IGSF11: variants seen among roughly 807,000 people sequenced by gnomAD.
IGSF11 encodes the protein immunoglobulin superfamily member 11.
IGSF11 carries 22 observed loss-of-function variants against 41.0 expected under a neutral mutation model. The ratio of observed to expected loss-of-function variants is 0.54; its 90% confidence interval spans 0.38 to 0.77. The LOEUF is 0.77. IGSF11 is among the 30% of genes least tolerant of loss of function. The pLI, the probability that IGSF11 is intolerant of heterozygous loss-of-function variation, is 0.00. For missense variants in IGSF11, 444 were observed against 530.8 expected (o/e 0.84, Z 1.61); for synonymous variants, 219 against 201.3 (o/e 1.09, Z -0.74).
intron 1 of IGSF11, among the ~76,000 whole-genome samples, chr3:118,970,448 T>C (rs184561189): frequency 2.6e-3 from 400 of 152,254 alleles, no homozygotes; most frequent in Non-Finnish European, 4.4e-3. Flanking sequence ...ATGGAAAAAC[T>C]GGCATGAATG....
intron 4 of IGSF11, among the ~76,000 whole-genome samples, chr3:118,909,129 A>G (rs1397092762): frequency 6.6e-6 from 1 of 152,216 alleles, no homozygotes; most frequent in Non-Finnish European, 1.5e-5. Flanking sequence ...AAAAATGTCT[A>G]GTGTCTCCCA....
intron 2 of IGSF11, 27 bp from the exon 3 acceptor site, chr3:118,928,743 C>A: frequency 6.5e-7 from 1 of 1,542,924 alleles, no homozygotes; most frequent in Non-Finnish European, 8.9e-7. Flanking sequence ...AATAAATAAA[C>A]TGGCCACTCT....
At position 119,142,249 on chromosome 3, in the gene IGSF11, T is replaced by C. The variant is rs187776492; in HGVS notation, c.-14+3564A>G. 5.2e-3 allele frequency among the ~76,000 whole-genome samples: 636 copies of C among 122,834 alleles called. 11 individuals carry two copies. Among genetic ancestry groups the C allele is most frequent in the African/African-American group, 0.019 (606 of 31,104 alleles). The allele number at this position is 122,834 out of a possible 152,430, so 80.6% of individuals were successfully genotyped here. ...GAGATCGCGCCACTGCATTCCAGCCTGGGCGACAGAGCAAGACTCCATCTC... is the reference window on the plus strand; with the variant it reads ...GAGATCGCGCCACTGCATTCCAGCCCGGGCGACAGAGCAAGACTCCATCTC... On this transcript the variant is annotated intron_variant, in intron 1 of 7. Coordinates refer to the IGSF11 transcript ENST00000425327.
At chr3:118,928,818 G>T in intron 2 of IGSF11, 102 bp from the exon 3 acceptor site, 3 of 784,242 alleles carry the variant, frequency 3.8e-6, no homozygotes, top group Non-Finnish European at 6.0e-6. Flanking sequence ...ACCAAACATT[G>T]GAAAATTTTA....
rs1423334257 is a variant in IGSF11 at position 119,052,454 on chromosome 3, AGAGG to A, written c.49+52686_49+52689del. On this transcript the variant is annotated intron_variant, in intron 1 of 6. Transcript: ENST00000354673. The stretch of plus-strand genomic sequence containing the variant: ...AACAGGAAGGGAGGGAGGGAGGAAG[AGAGG>A]GAGGGAGGGAGGGAAGGAGGAAGAG... Among the ~76,000 whole-genome samples, 4 of 115,326 alleles carry A rather than the reference AGAGG, an allele frequency of 3.5e-5. No individual in the cohort carries two copies. The East Asian group carries it at 1.2e-3, about 34-fold the overall frequency. The allele number at this position is 115,326 out of a possible 152,430, so 75.7% of individuals were successfully genotyped here.
intron 1 of IGSF11, among the ~76,000 whole-genome samples, chr3:119,118,806 G>A (rs1026522574): frequency 5.3e-5 from 8 of 152,152 alleles, no homozygotes; most frequent in African/African-American, 1.4e-4. Flanking sequence ...TTGCTGCTTA[G>A]AAACTTCTTC....
At chr3:118,905,481 C>T in intron 5 of IGSF11, 115 bp downstream of exon 5, 1 of 1,080,788 alleles carries the variant, frequency 9.3e-7, no homozygotes, top group Non-Finnish European at 1.3e-6. Flanking sequence ...AAAACAATTT[C>T]TATTTAATCT....
intron 1 of IGSF11, among the ~76,000 whole-genome samples, chr3:119,057,323 C>A (rs886769266): frequency 6.6e-5 from 10 of 152,052 alleles, no homozygotes; most frequent in African/African-American, 1.7e-4. Context: ...TCTTATACAC[C>A]AATAACAGAC....
chr3:119,056,507 G>A (rs1022170720), intron 1 of IGSF11, among the ~76,000 whole-genome samples: 7 of 152,140 alleles, frequency 4.6e-5, no homozygotes, highest in Non-Finnish European at 8.8e-5. Flanking sequence ...AAAAGTCCAG[G>A]ACCAGATGGA....
At chr3:118,932,974 C>T (rs914560767) in intron 1 of IGSF11, among the ~76,000 whole-genome samples, 7 of 152,210 alleles carry the variant, frequency 4.6e-5, no homozygotes, top group East Asian at 1.9e-4. Flanking sequence ...AGAAAGCAAC[C>T]GCAACAGGGT....
intron 1 of IGSF11, among the ~76,000 whole-genome samples, 186 bp downstream of exon 1, chr3:119,034,345 G>C (rs903865359): frequency 6.6e-6 from 1 of 152,216 alleles, no homozygotes; most frequent in Admixed American, 6.5e-5. Context: ...GGGCTGCGCG[G>C]GCGGCAGAAG....
At chr3:119,079,897 G>A (rs1402913423) in intron 1 of IGSF11, among the ~76,000 whole-genome samples, 1 of 152,168 alleles carries the variant, frequency 6.6e-6, no homozygotes, top group Non-Finnish European at 1.5e-5. Flanking sequence ...TGGAGGGTAT[G>A]AGAAGGGTAA....
At chr3:119,001,514 A>C (rs1460937560) in intron 1 of IGSF11, among the ~76,000 whole-genome samples, 2 of 141,172 alleles carry the variant, frequency 1.4e-5, no homozygotes, top group Non-Finnish European at 3.0e-5. Context: ...GTACATGTGC[A>C]CATTGTGCAG....
chr3:118,928,031 G>A (rs1942489650), intron 3 of IGSF11, among the ~76,000 whole-genome samples: 1 of 152,120 alleles, frequency 6.6e-6, no homozygotes, highest in Non-Finnish European at 1.5e-5. Context: ...ATACTTGGGG[G>A]AGTAAAAGGA....
chr3:119,020,379 C>T (rs1013100091), intron 1 of IGSF11, among the ~76,000 whole-genome samples: 2 of 152,184 alleles, frequency 1.3e-5, no homozygotes, highest in African/African-American at 4.8e-5. Context: ...CACACTCATG[C>T]ACAGCTGCAC....
intron 1 of IGSF11, among the ~76,000 whole-genome samples, chr3:119,026,693 G>C (rs1056671880): frequency 1.3e-5 from 2 of 152,130 alleles, no homozygotes; most frequent in Admixed American, 1.3e-4. Flanking sequence ...GTAATATTCT[G>C]TGTGACAAAA....
At chr3:119,077,406 TTAAAA>T (rs1436476162) in intron 1 of IGSF11, among the ~76,000 whole-genome samples, 4 of 151,922 alleles carry the variant, frequency 2.6e-5, no homozygotes, top group South Asian at 2.1e-4. Context: ...ACCCTAGAAC[TTAAAA>T]TGAAAGAAAA....
chr3:118,970,446 A>C (rs1263752758), intron 1 of IGSF11, among the ~76,000 whole-genome samples: 1 of 152,212 alleles, frequency 6.6e-6, no homozygotes, highest in African/African-American at 2.4e-5. Flanking sequence ...AAATGGAAAA[A>C]CTGGCATGAA....
chr3:118,988,497 G>A (rs1935469822), intron 1 of IGSF11, among the ~76,000 whole-genome samples: 1 of 152,076 alleles, frequency 6.6e-6, no homozygotes, highest in Non-Finnish European at 1.5e-5. Context: ...CAGGAAATTG[G>A]GCAAGTTGCA....
Sources: gnomAD v4.1 joint callset for allele counts (sites outside exome capture counted in the v4.1 genomes callset) on GRCh38, gnomAD v4.1.1 for gene constraint, MANE v1.5 for transcripts, NCBI Gene and HGNC (gene_info 2026-07-23, HGNC 2026-07-21) for gene names.